DLG2: variants seen among roughly 807,000 people sequenced by gnomAD.
DLG2 encodes the protein discs large MAGUK scaffold protein 2.
DLG2 carries 45 observed loss-of-function variants against 132.5 expected under a neutral mutation model. That is an observed-to-expected ratio of 0.34 (90% CI 0.27 to 0.44). DLG2 has a LOEUF of 0.44. Ranked by LOEUF, DLG2 falls within the 20% of genes least tolerant of loss-of-function variation. DLG2 has a pLI of 1.00. For missense variants in DLG2, 1,045 were observed against 1,196.9 expected, an observed-to-expected ratio of 0.87 and a Z score of 1.87; for synonymous variants, 424 against 419.6, an observed-to-expected ratio of 1.01 and a Z score of -0.13.
intron 3 of DLG2, among the ~76,000 whole-genome samples, chr11:85,358,297 C>T (rs1277480909): frequency 6.6e-6 from 1 of 152,172 alleles, no homozygotes; most frequent in Non-Finnish European, 1.5e-5. Flanking sequence ...CCACAGCTCC[C>T]TCACTCTCTG....
chr11:84,177,411 CT>C (rs1427449489), intron 8 of DLG2, among the ~76,000 whole-genome samples: 1 of 152,118 alleles, frequency 6.6e-6, no homozygotes, highest in Non-Finnish European at 1.5e-5. Context: ...TCTGTAGATT[CT>C]TTTTGCTCTG....
At chr11:84,764,806 C>T (rs369796153) in intron 6 of DLG2, among the ~76,000 whole-genome samples, 128 of 152,054 alleles carry the variant, frequency 8.4e-4, no homozygotes, top group Middle Eastern at 6.8e-3. Context: ...CTGGGAGTAA[C>T]GGGTAGCAAA....
chr11:85,115,731 T>TA (rs554603953), intron 5 of DLG2, among the ~76,000 whole-genome samples: 250 of 152,066 alleles, frequency 1.6e-3, no homozygotes, highest in Non-Finnish European at 2.3e-3. Flanking sequence ...CGTTACAGGC[T>TA]AAAGGTAACT....
chr11:84,790,101 G>C (rs997244606), intron 6 of DLG2, among the ~76,000 whole-genome samples: 6 of 152,008 alleles, frequency 3.9e-5, no homozygotes, highest in Non-Finnish European at 7.4e-5. Context: ...AGTATATAGC[G>C]AGCAGTACGA....
At chr11:84,055,032 G>A (rs1388593978) in intron 11 of DLG2, among the ~76,000 whole-genome samples, 2 of 151,892 alleles carry the variant, frequency 1.3e-5, no homozygotes, top group Admixed American at 6.6e-5. Context: ...CCCAAACCCA[G>A]ATATTTCACA....
rs1007236186 is a variant in DLG2 at position 84,705,868 on chromosome 11, T to C, written c.358-171137A>G. On this transcript the variant is annotated intron_variant, in intron 6 of 27. Coordinates refer to ENST00000376104, the MANE Select transcript of DLG2 (RefSeq NM_001142699.3). ...CTCAATTGCCTAAATAATTAAACAATAGATTATATCAACCATTCATTCAAC... is the reference window on the plus strand; with the variant it reads ...CTCAATTGCCTAAATAATTAAACAACAGATTATATCAACCATTCATTCAAC... Among the ~76,000 whole-genome samples, 8 of 151,968 alleles carry C rather than the reference T, an allele frequency of 5.3e-5. No homozygotes were observed. The South Asian group carries it at 6.2e-4, about 12-fold the overall frequency.
intron 9 of DLG2, among the ~76,000 whole-genome samples, chr11:84,149,252 T>C (rs1272480530): frequency 2.0e-5 from 3 of 152,194 alleles, no homozygotes; most frequent in Non-Finnish European, 2.9e-5. Context: ...TTTGTTTTTG[T>C]TGCGATTCCT....
intron 15 of DLG2, among the ~76,000 whole-genome samples, chr11:83,878,974 A>G (rs1245552167): frequency 6.6e-6 from 1 of 152,202 alleles, no homozygotes. Flanking sequence ...GAGGAAGTGC[A>G]CAATAGAGTT....
chr11:85,153,081 TC>T (rs1325364138), intron 5 of DLG2, among the ~76,000 whole-genome samples: 4 of 152,170 alleles, frequency 2.6e-5, no homozygotes, highest in Admixed American at 2.6e-4. Flanking sequence ...TCCCATTTCA[TC>T]CTCTTTATAT....
At chr11:84,211,351 G>GTAGTCTCAC (rs2096752170) in intron 8 of DLG2, among the ~76,000 whole-genome samples, 1 of 152,042 alleles carries the variant, frequency 6.6e-6, no homozygotes, top group African/African-American at 2.4e-5. Context: ...CTCCTTCCCT[G>GTAGTCTCAC]CTCAGATTGA....
chr11:84,123,317 C>T (rs61897634), intron 9 of DLG2, among the ~76,000 whole-genome samples: 4 of 152,222 alleles, frequency 2.6e-5, no homozygotes, highest in Admixed American at 6.5e-5. Context: ...TTGATAATTT[C>T]ATACTGCCTT....
intron 7 of DLG2, among the ~76,000 whole-genome samples, chr11:84,440,763 G>A (rs1458954152): frequency 6.6e-6 from 1 of 152,088 alleles, no homozygotes; most frequent in African/African-American, 2.4e-5. Context: ...AAGCAGCTTT[G>A]GGTTCATGCC....
chr11:85,067,518 G>A (rs1016464634), intron 6 of DLG2, among the ~76,000 whole-genome samples: 2 of 151,816 alleles, frequency 1.3e-5, no homozygotes, highest in African/African-American at 2.4e-5. Context: ...TGCTTTAAAT[G>A]TGTCCCAGAG....
At chr11:84,711,379 AGATC>A (rs758980087) in intron 6 of DLG2, among the ~76,000 whole-genome samples, 3,287 of 62,596 alleles carry the variant, frequency 0.053, 416 homozygotes, top group African/African-American at 0.21. Context: ...AGAGAGAGAG[AGATC>A]GATCGATCTA....
intron 2 of DLG2, among the ~76,000 whole-genome samples, chr11:85,605,553 C>T (rs1184036865): frequency 2.0e-5 from 3 of 152,190 alleles, no homozygotes; most frequent in African/African-American, 7.2e-5. Flanking sequence ...GACTATCTTA[C>T]TATATCCAGA....
At chr11:85,102,406 G>A (rs1230001045) in intron 6 of DLG2, among the ~76,000 whole-genome samples, 1 of 151,946 alleles carries the variant, frequency 6.6e-6, no homozygotes, top group African/African-American at 2.4e-5. Context: ...CTTTAATGGT[G>A]CTATGTCATA....
intron 6 of DLG2, among the ~76,000 whole-genome samples, chr11:85,058,257 C>A (rs527598879): frequency 1.3e-5 from 2 of 151,302 alleles, no homozygotes; most frequent in Non-Finnish European, 3.0e-5. Context: ...AATATATCAC[C>A]AACAATTGAA....
At chr11:83,797,146 T>C (rs1160898440) in intron 17 of DLG2, among the ~76,000 whole-genome samples, 1 of 151,648 alleles carries the variant, frequency 6.6e-6, no homozygotes, top group South Asian at 2.1e-4. Flanking sequence ...CCTGCACATC[T>C]GAAGAACAGG....
chr11:85,091,170 T>TA (rs2068711240), intron 6 of DLG2, among the ~76,000 whole-genome samples: 1 of 152,232 alleles, frequency 6.6e-6, no homozygotes, highest in South Asian at 2.1e-4. Flanking sequence ...TTGCGGGAGA[T>TA]AAACATTCAA....
Sources: gnomAD v4.1 joint callset for allele counts (sites outside exome capture counted in the v4.1 genomes callset) on GRCh38, gnomAD v4.1.1 for gene constraint, MANE v1.5 for transcripts, NCBI Gene and HGNC (gene_info 2026-07-23, HGNC 2026-07-21) for gene names.